CDCA2: variants seen among roughly 807,000 people sequenced by gnomAD.
The protein encoded by CDCA2 is cell division cycle-associated protein 2.
CDCA2 carries 44 observed loss-of-function variants against 67.0 expected under a neutral mutation model. The ratio of observed to expected loss-of-function variants is 0.66; its 90% CI spans 0.52 to 0.84. The LOEUF (loss-of-function observed/expected upper bound fraction) is 0.84. Among genes scored for constraint, CDCA2 ranks in the 40% least tolerant of loss-of-function variants. The pLI is 0.00. For synonymous variants in CDCA2, 447 were observed against 418.7 expected (o/e 1.07, Z -0.82); for missense variants, 1,253 against 1,203.2 (o/e 1.04, Z -0.61).
At chr8:25,503,333 A>G (rs779571120) in intron 13 of CDCA2, 40 bp from the exon 14 acceptor site, 1 of 1,476,812 alleles carries the variant, frequency 6.8e-7, no homozygotes, top group South Asian at 1.1e-5. Flanking sequence ...ACATGGTGCT[A>G]CATCTTTCTC....
At position 25,483,497 on chromosome 8, in the gene CDCA2, C is replaced by T; in HGVS notation, c.1120+11C>T. On this transcript the variant is annotated intron_variant, in intron 9 of 14. Coordinates refer to ENST00000330560, the MANE Select transcript of CDCA2 (RefSeq NM_152562.4). ...AAGAGAAAGAAGCAGGTAAGAAATT[C>T]ATACTTGTTTTTAAGCTTGAGGATA... 1 of 1,587,132 alleles carries T rather than the reference C, an allele frequency of 6.3e-7. No individual in the cohort carries two copies. The highest frequency in any genetic ancestry group is 8.6e-7 in the Non-Finnish European group (1 of 1,160,462).
chr8:25,466,767 G>A (rs1469357520), intron 5 of CDCA2, among the ~76,000 whole-genome samples: 13 of 152,162 alleles, frequency 8.5e-5, no homozygotes, highest in East Asian at 3.9e-4. Flanking sequence ...ATTCAGCCAG[G>A]CGCGGTGGCT....
chr8:25,471,286 C>T (rs1586476515), intron 7 of CDCA2, among the ~76,000 whole-genome samples: 1 of 152,140 alleles, frequency 6.6e-6, no homozygotes, highest in Non-Finnish European at 1.5e-5. Flanking sequence ...CCTGCATGGT[C>T]CCCCTGCACA....
At chr8:25,464,708 CAAA>C (rs1211281585) in intron 4 of CDCA2, among the ~76,000 whole-genome samples, 1 of 152,010 alleles carries the variant, frequency 6.6e-6, no homozygotes, top group Middle Eastern at 3.2e-3. Flanking sequence ...AATATGTGTG[CAAA>C]AAAAGCACAT....
In CDCA2 at chr8:25,460,395, T is replaced by G. The variant is rs770492177; in HGVS notation, c.73T>G (p.Phe25Val). ...SAMNNAGNAS[F>V]ILGTGKIVTP... Reference sequence around the variant, plus strand: ...GTCGTCCGTTTCAGGAAATGCCTCTTTCATTTTGGGAACTGGGAAGATTGT... The same window carrying G: ...GTCGTCCGTTTCAGGAAATGCCTCTGTCATTTTGGGAACTGGGAAGATTGT... Residue 25 changes from phenylalanine to valine, a missense_variant, in exon 3 of 15, where the codon TTC becomes GTC. Phe to Val is a conservative substitution (Grantham distance 50). Transcript: ENST00000330560. 1 of 1,614,012 alleles carries G rather than the reference T, an allele frequency of 6.2e-7. No individual in the cohort carries two copies. The highest frequency in any genetic ancestry group is 1.3e-5 in the African/African-American group (1 of 74,904).
intron 13 of CDCA2, among the ~76,000 whole-genome samples, chr8:25,495,342 T>A (rs1028313687): frequency 5.3e-5 from 8 of 152,068 alleles, no homozygotes; most frequent in African/African-American, 1.9e-4. Context: ...TTTGACAAAT[T>A]CTTACTATGT....
chr8:25,482,284 G>C (rs1341546173), intron 8 of CDCA2, among the ~76,000 whole-genome samples: 1 of 152,182 alleles, frequency 6.6e-6, no homozygotes, highest in Admixed American at 6.5e-5. Flanking sequence ...CTAAGAATAG[G>C]TGTGGTTCCC....
intron 11 of CDCA2, among the ~76,000 whole-genome samples, chr8:25,486,054 A>G (rs1803763527): frequency 6.6e-6 from 1 of 152,202 alleles, no homozygotes; most frequent in Non-Finnish European, 1.5e-5. Context: ...TTACTTCCTC[A>G]GATGGAATCC....
rs1804722323 is a variant in CDCA2, at chr8:25,507,321, T to C, written c.2655T>C (p.Asn885=). 1 of 1,613,988 alleles carries C rather than the reference T, an allele frequency of 6.2e-7. No homozygotes were observed. Among genetic ancestry groups the C allele is most frequent in the Non-Finnish European group, 8.5e-7 (1 of 1,179,998 alleles). Residue 885 remains asparagine, a synonymous_variant, in exon 15 of 15, where the codon AAT becomes AAC. Coordinates refer to ENST00000330560, the MANE Select transcript of CDCA2 (RefSeq NM_152562.4). Reference sequence around the variant, plus strand: ...TTGAGCAAACCTTTCAGAGGAGAAATAGTGAAACCAAAGTGCGACGTAGCA... The same window carrying C: ...TTGAGCAAACCTTTCAGAGGAGAAACAGTGAAACCAAAGTGCGACGTAGCA... ...DAIEQTFQRR[N]SETKVRRSTR...
At chr8:25,479,029 G>T (rs1179340330) in intron 7 of CDCA2, among the ~76,000 whole-genome samples, 1 of 151,834 alleles carries the variant, frequency 6.6e-6, no homozygotes. Flanking sequence ...GCATAGCTAC[G>T]ATATATTAAT....
At chr8:25,481,123 A>G (rs1039676787) in intron 8 of CDCA2, among the ~76,000 whole-genome samples, 1 of 152,114 alleles carries the variant, frequency 6.6e-6, no homozygotes, top group Non-Finnish European at 1.5e-5. Flanking sequence ...AATTTTGTTC[A>G]AAGAGCTGAT....
In CDCA2 at chr8:25,479,973, C is replaced by T. The variant is rs763399743; in HGVS notation, c.881C>T (p.Thr294Met). Residue 294 changes from threonine (T) to methionine (M), a missense_variant, in exon 8 of 15, where the codon ACG becomes ATG. Physicochemically the swap from Thr to Met is moderately conservative, Grantham distance 81. Transcript: ENST00000330560. ...TCAAGTGATGCCGTTTCGCCTGACA[C>T]GTTCACAGCAGAAGTGAGCTCAGAC... ...KGSSDAVSPDTFTAEVSSDAV... is the reference protein window; with the variant it reads ...KGSSDAVSPDMFTAEVSSDAV... 5.0e-6 allele frequency: 8 copies of T among 1,614,044 alleles called. No individual in the cohort carries two copies. Among genetic ancestry groups the T allele is most frequent in the South Asian group, 3.3e-5 (3 of 91,090 alleles).
intron 4 of CDCA2, among the ~76,000 whole-genome samples, 160 bp downstream of exon 4, chr8:25,462,368 T>G (rs1802729194): frequency 6.6e-6 from 1 of 152,192 alleles, no homozygotes; most frequent in Non-Finnish European, 1.5e-5. Flanking sequence ...GGCTCACGCC[T>G]ATAATCCCAG....
intron 13 of CDCA2, among the ~76,000 whole-genome samples, chr8:25,490,800 G>A (rs1373020403): frequency 2.0e-5 from 3 of 152,156 alleles, no homozygotes; most frequent in African/African-American, 7.2e-5. Flanking sequence ...AATCCTGACA[G>A]TTGACCCTCC....
At chr8:25,473,949 C>A (rs533638024) in intron 7 of CDCA2, among the ~76,000 whole-genome samples, 4 of 152,296 alleles carry the variant, frequency 2.6e-5, no homozygotes, top group African/African-American at 9.6e-5. Flanking sequence ...TTCCCCAAAT[C>A]TCAGCAATTG....
chr8:25,469,308 C>T (rs750573823), intron 6 of CDCA2, among the ~76,000 whole-genome samples: 1 of 152,206 alleles, frequency 6.6e-6, no homozygotes, highest in South Asian at 2.1e-4. Context: ...GTATTTCAGT[C>T]GCCTGTAATC....
At position 25,507,361 on chromosome 8, in the gene CDCA2, G is replaced by A. The variant is rs776182803; in HGVS notation, c.2695G>A (p.Asp899Asn). 1 of 1,613,254 alleles carries A rather than the reference G, an allele frequency of 6.2e-7. No individual in the cohort carries two copies. The highest frequency in any genetic ancestry group is 1.1e-5 in the South Asian group (1 of 90,874). Residue 899 changes from aspartate to asparagine, a missense_variant, in exon 15 of 15, where the codon GAT becomes AAT. Physicochemically the swap from Asp to Asn is conservative, Grantham distance 23 (BLOSUM62 1). Coordinates refer to ENST00000330560, the MANE Select transcript of CDCA2 (RefSeq NM_152562.4). Reference protein sequence around the residue: ...KVRRSTRLQKDLENEGLVWIS... With the variant: ...KVRRSTRLQKNLENEGLVWIS... ...GCGACGTAGCACGAGGCTACAGAAG[G>A]ATTTAGAAAACGAAGGTCTTGTATG... is the stretch of plus-strand genomic sequence containing the variant.
intron 7 of CDCA2, 39 bp from the exon 8 acceptor site, chr8:25,479,874 A>T (rs765716438): frequency 1.9e-6 from 3 of 1,582,450 alleles, no homozygotes; most frequent in Non-Finnish European, 2.6e-6. Flanking sequence ...CAGATTTAAG[A>T]GATCTTCTGC....
At chr8:25,479,789 A>G in intron 7 of CDCA2, 124 bp from the exon 8 acceptor site, 1 of 807,846 alleles carries the variant, frequency 1.2e-6, no homozygotes, top group Non-Finnish European at 2.0e-6. Flanking sequence ...CTGCCCAATC[A>G]GGTTATATTA....
Sources: gnomAD v4.1 joint callset for allele counts (sites outside exome capture counted in the v4.1 genomes callset) on GRCh38, gnomAD v4.1.1 for gene constraint, MANE v1.5 for transcripts, NCBI Gene and HGNC (gene_info 2026-07-23, HGNC 2026-07-21) for gene names.